Variants in BICD2 observed in about 807,000 individuals in gnomAD.
The protein encoded by BICD2 is protein bicaudal D homolog 2.
Under a neutral mutation model 72.9 loss-of-function variants are expected in BICD2, and 25 were observed. That is an observed-to-expected ratio of 0.34 (90% CI 0.25 to 0.48). The LOEUF is 0.48. Among genes scored for constraint, BICD2 ranks in the 20% least tolerant of loss-of-function variants. The pLI is 0.99. For synonymous variants in BICD2, 501 were observed against 516.1 expected (o/e 0.97, Z 0.40); for missense variants, 894 against 1,175.2 (o/e 0.76, Z 3.50).
chr9:92,725,012 G>A (rs1853537629), intron 2 of BICD2, among the ~76,000 whole-genome samples: 1 of 152,214 alleles, frequency 6.6e-6, no homozygotes, highest in African/African-American at 2.4e-5. Context: ...AGGCCTGCCA[G>A]TCAAGATCAA....
At position 92,714,469 on chromosome 9, in the gene BICD2, C is replaced by G. The variant is rs756312718; in HGVS notation, c.*685G>C. On this transcript the variant is annotated 3_prime_UTR_variant, in exon 7 of 7. Transcript: ENST00000356884. Reference sequence around the variant, plus strand: ...GGCCACTATACAAGCATCCTGATCTCAGAAATGAGAAACCGAGCTCTGGAT... The same window carrying G: ...GGCCACTATACAAGCATCCTGATCTGAGAAATGAGAAACCGAGCTCTGGAT... 6.0e-5 allele frequency: 59 copies of G among 985,378 alleles called. No homozygotes were observed. The highest frequency in any genetic ancestry group is 5.2e-4 in the Middle Eastern group (1 of 1,936). 61.0% of individuals were successfully genotyped at this position (985,378 alleles called of 1,614,324 possible).
At chr9:92,726,454 C>G (rs1853569636) in intron 2 of BICD2, among the ~76,000 whole-genome samples, 1 of 152,080 alleles carries the variant, frequency 6.6e-6, no homozygotes, top group Non-Finnish European at 1.5e-5. Context: ...GGGGTGTGAG[C>G]CTTGGGCAGT....
intron 1 of BICD2, among the ~76,000 whole-genome samples, chr9:92,752,335 A>T (rs1587689072): frequency 2.6e-5 from 2 of 77,698 alleles, no homozygotes; most frequent in African/African-American, 3.6e-5. Flanking sequence ...GAAGCACTTT[A>T]AAAAAAAAAA....
At chr9:92,736,341 G>C (rs1853787584) in intron 1 of BICD2, among the ~76,000 whole-genome samples, 1 of 152,126 alleles carries the variant, frequency 6.6e-6, no homozygotes, top group Non-Finnish European at 1.5e-5. Flanking sequence ...CTCCCATCAG[G>C]ACCATGACAG....
At position 92,764,162 on chromosome 9, in the gene BICD2, C is replaced by T. The variant is rs1022419364; in HGVS notation, c.240+343G>A. ...AGCCACTGCCCTCCCAACCCCACCCCACACTCAGACACACCCGGAACAGCG... is the reference window on the plus strand; with the variant it reads ...AGCCACTGCCCTCCCAACCCCACCCTACACTCAGACACACCCGGAACAGCG... On this transcript the variant is annotated intron_variant, in intron 1 of 6. Coordinates refer to ENST00000356884, the MANE Select transcript of BICD2 (RefSeq NM_001003800.2). The surrounding 1 kb of genome is among the most constrained non-coding windows in gnomAD (Gnocchi z 5.5). Among the ~76,000 whole-genome samples, 2 of 152,112 alleles carry T rather than the reference C, an allele frequency of 1.3e-5. No individual in the cohort carries two copies. The highest frequency in any genetic ancestry group is 6.5e-5 in the Admixed American group (1 of 15,280).
At chr9:92,740,407 C>G (rs1853876298) in intron 1 of BICD2, among the ~76,000 whole-genome samples, 1 of 151,928 alleles carries the variant, frequency 6.6e-6, no homozygotes, top group African/African-American at 2.4e-5. Flanking sequence ...GAAAAATGAT[C>G]TCTTAAATAT....
At position 92,720,237 on chromosome 9, in the gene BICD2, G is replaced by A. The variant is rs1033255864; in HGVS notation, c.1062+63C>T. On this transcript the variant is annotated intron_variant, in intron 4 of 6. Transcript: ENST00000356884. This position sits in a 1 kb window ranked among gnomAD's most constrained non-coding sequence, Gnocchi z 5.4. ...ATCAGCAGAGTGTCAGGTAAGCACT[G>A]CTCGGGGAGCCCTGCAGACCTGGAG... 6.1e-6 allele frequency: 9 copies of A among 1,487,486 alleles called. No homozygotes were observed. In the African/African-American group the frequency reaches 1.1e-4, roughly 18 times the overall value. 92.1% of individuals were successfully genotyped at this position (1,487,486 alleles called of 1,614,324 possible). A position where few individuals can be genotyped will look rare whatever the true frequency, so the allele number is the denominator to read the frequency against.
chr9:92,742,088 T>C (rs1182839377), intron 1 of BICD2, among the ~76,000 whole-genome samples: 1 of 152,196 alleles, frequency 6.6e-6, no homozygotes, highest in East Asian at 1.9e-4. Flanking sequence ...AGACAGAATG[T>C]AAGTTGGAAG....
At position 92,712,051 on chromosome 9, in the gene BICD2, A is replaced by G. The variant is rs1853204864; in HGVS notation, c.*3103T>C. ...TATAATGTCTCGCTTTCACATTTGC[A>G]AAGAATACTATGGCTAACCCTCATC... On this transcript the variant is annotated 3_prime_UTR_variant, in exon 7 of 7. Transcript: ENST00000356884. 6.6e-6 allele frequency: 1 copy of G among 152,638 alleles called. No homozygotes were observed. The highest frequency in any genetic ancestry group is 1.9e-4 in the East Asian group (1 of 5,190). The allele number at this position is 152,638 out of a possible 1,614,324, so 9.5% of individuals were successfully genotyped here.
At chr9:92,748,792 G>A (rs1854077086) in intron 1 of BICD2, among the ~76,000 whole-genome samples, 1 of 152,126 alleles carries the variant, frequency 6.6e-6, no homozygotes, top group Non-Finnish European at 1.5e-5. Context: ...GGAGCGGACA[G>A]AGGTGGGTGT....
Position 92,715,368 on chromosome 9 carries a change from G to A in BICD2, c.2354C>T (p.Ala785Val). The A allele has an allele frequency of 6.2e-7, 1 of 1,612,614 alleles. No homozygotes were observed. Among genetic ancestry groups the A allele is most frequent in the Non-Finnish European group, 8.5e-7 (1 of 1,179,346 alleles). ...GGTCAGCGCCAGCTTCTGCTGGATG[G>A]CCATGCGCAGCAGCGAGTTCAGCGT... ...KKTLNSLLRMAIQQKLALTQR... is the reference protein window; with the variant it reads ...KKTLNSLLRMVIQQKLALTQR... The change falls in exon 7 of 7, where the codon GCC (alanine) becomes GTC (valine). Residue 785 changes from alanine (A) to valine (V), a missense_variant. Transcript: ENST00000356884.
intron 1 of BICD2, among the ~76,000 whole-genome samples, chr9:92,756,861 C>T (rs545749913): frequency 1.4e-4 from 19 of 135,370 alleles, no homozygotes; most frequent in Non-Finnish European, 2.2e-4. Context: ...AGTGAGACTC[C>T]GTCTCAAAAA....
At position 92,715,008 on chromosome 9, in the gene BICD2, G is replaced by A; in HGVS notation, c.*146C>T. 1 of 1,421,904 alleles carries A rather than the reference G, an allele frequency of 7.0e-7. No homozygotes were observed. Among genetic ancestry groups the A allele is most frequent in the Non-Finnish European group, 9.2e-7 (1 of 1,088,480 alleles). 88.1% of individuals were successfully genotyped at this position (1,421,904 alleles called of 1,614,324 possible). On this transcript the variant is annotated 3_prime_UTR_variant, in exon 7 of 7. Transcript: ENST00000356884. ...ACAAAGCTCTCACAAGTGTCCTGCT[G>A]ATGCAACGCCCCATGGCGCCTCGGC...
chr9:92,751,748 T>A (rs138405416), intron 1 of BICD2, among the ~76,000 whole-genome samples: 1 of 151,948 alleles, frequency 6.6e-6, no homozygotes, highest in South Asian at 2.1e-4. Flanking sequence ...TAACTAAATA[T>A]ACATACAGGT....
chr9:92,712,414 CA>C lies in BICD2; in HGVS notation c.*2739del, dbSNP rs1432281773. On this transcript the variant is annotated 3_prime_UTR_variant, in exon 7 of 7. Coordinates refer to ENST00000356884, the MANE Select transcript of BICD2 (RefSeq NM_001003800.2). Reference sequence around the variant, plus strand: ...CTTTTGAGAATGATCTGTGCTGGGACACCTCCCTTAACTGATGAAGGCACTA... The same window carrying C: ...CTTTTGAGAATGATCTGTGCTGGGACCCTCCCTTAACTGATGAAGGCACTA... The C allele has an allele frequency of 6.6e-6, 1 of 152,636 alleles. No homozygotes were observed. The highest frequency in any genetic ancestry group is 6.5e-5 in the Admixed American group (1 of 15,282). The allele number at this position is 152,636 out of a possible 1,614,324, so 9.5% of individuals were successfully genotyped here. A position where few individuals can be genotyped will look rare whatever the true frequency, so the allele number is the denominator to read the frequency against.
intron 1 of BICD2, among the ~76,000 whole-genome samples, chr9:92,737,767 C>T (rs980673543): frequency 6.6e-6 from 1 of 152,226 alleles, no homozygotes; most frequent in Non-Finnish European, 1.5e-5. Flanking sequence ...TAAAACTATA[C>T]ATATAGGCTG....
intron 1 of BICD2, among the ~76,000 whole-genome samples, chr9:92,732,325 T>A (rs1394180138): frequency 1.3e-5 from 2 of 151,998 alleles, no homozygotes; most frequent in Non-Finnish European, 2.9e-5. Flanking sequence ...AAGTATGAAG[T>A]ATGACACAAT....
At chr9:92,744,211 A>G (rs1381042942) in intron 1 of BICD2, among the ~76,000 whole-genome samples, 1 of 152,232 alleles carries the variant, frequency 6.6e-6, no homozygotes, top group Admixed American at 6.5e-5. Context: ...CCCATGTGGC[A>G]ACGAGTGCCA....
In BICD2 at chr9:92,722,655, C is replaced by G; in HGVS notation, c.606+1G>C. The G allele has an allele frequency of 6.2e-7, 1 of 1,614,210 alleles. No homozygotes were observed. Among genetic ancestry groups the G allele is most frequent in the Non-Finnish European group, 8.5e-7 (1 of 1,180,026 alleles). ...CTCCACCCCACAGGCCCAAGACTCA[C>G]CTGGTTCTGTCTGAGCACAGACACT... On this transcript the variant is annotated splice_donor_variant, in intron 3 of 6. Coordinates refer to ENST00000356884, the MANE Select transcript of BICD2 (RefSeq NM_001003800.2). LOFTEE classifies it high-confidence loss of function.
Sources: gnomAD v4.1 joint callset for allele counts (sites outside exome capture counted in the v4.1 genomes callset) on GRCh38, gnomAD v4.1.1 for gene constraint, Gnocchi (gnomAD v3.1) non-coding constraint, MANE v1.5 for transcripts, NCBI Gene and HGNC (gene_info 2026-07-23, HGNC 2026-07-21) for gene names.